Variants in KDM8 observed in about 807,000 individuals in gnomAD.
The protein encoded by KDM8 is lysine demethylase 8.
A neutral mutation model predicts 46.9 loss-of-function variants in KDM8; 35 were observed. That is an observed-to-expected ratio of 0.75 (90% confidence interval 0.57 to 0.99). KDM8 has a LOEUF of 0.99. KDM8 is among the 50% of genes least tolerant of loss of function. The probability of loss-of-function intolerance (pLI) is 0.00; values close to 1 mark genes in which losing one functional copy is unlikely to be tolerated. For missense variants in KDM8, 475 were observed against 537.0 expected, an observed-to-expected ratio of 0.88 and a Z score of 1.14; for synonymous variants, 232 against 227.7, an observed-to-expected ratio of 1.02 and a Z score of -0.17.
chr16:27,215,885 G>A, intron 4 of KDM8, 60 bp from the exon 5 acceptor site: 1 of 1,541,184 alleles, frequency 6.5e-7, no homozygotes, highest in Admixed American at 1.7e-5. Context: ...GCAGCAGGAG[G>A]GCATCTGTCA....
At chr16:27,219,626 A>C (rs1464622060) in intron 6 of KDM8, among the ~76,000 whole-genome samples, 1 of 152,236 alleles carries the variant, frequency 6.6e-6, no homozygotes, top group East Asian at 1.9e-4. Flanking sequence ...CTACCCCAGC[A>C]GACCAGTCCA....
At chr16:27,206,299 C>G (rs62028349) in intron 1 of KDM8, 378,346 of 741,722 alleles carry the variant, frequency 0.51, 96,552 homozygotes, top group Admixed American at 0.63. Context: ...GAGGGACAGA[C>G]TCTTGCTCTG....
intron 5 of KDM8, among the ~76,000 whole-genome samples, chr16:27,217,193 C>T (rs1353772580): frequency 2.0e-5 from 3 of 152,096 alleles, no homozygotes; most frequent in Admixed American, 2.0e-4. Context: ...CCTTCTCTAC[C>T]TACAGGACGC....
At chr16:27,214,196 G>A (rs567935094) in intron 3 of KDM8, 1 of 157,412 alleles carries the variant, frequency 6.4e-6, no homozygotes, top group East Asian at 1.9e-4. Flanking sequence ...GCTGGAGCGT[G>A]GCTGTCATGC....
intron 3 of KDM8, chr16:27,214,274 T>C (rs1193702591): frequency 2.6e-5 from 4 of 156,260 alleles, no homozygotes; most frequent in Non-Finnish European, 5.7e-5. Flanking sequence ...TCCGCCTGTT[T>C]TGTGGTTTCG....
chr16:27,211,142 A>G, intron 2 of KDM8: 1 of 407,376 alleles, frequency 2.5e-6, no homozygotes, highest in Admixed American at 3.0e-5. Flanking sequence ...TTTTTTTTGC[A>G]AAGGCAGCGC....
intron 1 of KDM8, among the ~76,000 whole-genome samples, chr16:27,207,606 G>T (rs944923783): frequency 6.6e-6 from 1 of 152,190 alleles, no homozygotes; most frequent in Non-Finnish European, 1.5e-5. Flanking sequence ...TTGAAACAGG[G>T]TCTCACTCTG....
At position 27,220,709 on chromosome 16, in the gene KDM8, G is replaced by A. The variant is rs969341718; in HGVS notation, c.1230G>A (p.Ser410=). Residue 410 remains serine (S), a synonymous_variant, in exon 8 of 8, where the codon TCG becomes TCA. Coordinates refer to ENST00000286096, the MANE Select transcript of KDM8 (RefSeq NM_024773.3). The part of the protein sequence containing the change: ...HYVRALDLSF[S]VSFWWS Reference sequence around the variant, plus strand: ...TGCGGGCTCTGGATTTGAGCTTCTCGGTCAGCTTCTGGTGGTCGTAGCCAG... The same window carrying A: ...TGCGGGCTCTGGATTTGAGCTTCTCAGTCAGCTTCTGGTGGTCGTAGCCAG... The A allele has an allele frequency of 1.2e-5, 19 of 1,614,034 alleles. No homozygotes were observed. The African/African-American group carries it at 1.2e-4, about 10-fold the overall frequency.
intron 5 of KDM8, among the ~76,000 whole-genome samples, chr16:27,217,949 C>G (rs576717607): frequency 6.6e-6 from 1 of 151,856 alleles, no homozygotes; most frequent in Non-Finnish European, 1.5e-5. Context: ...AACTGAGGTG[C>G]CTGCTAAGGG....
chr16:27,209,419 G>A lies in KDM8; in HGVS notation c.-31-674G>A, dbSNP rs9936149. Among the ~76,000 whole-genome samples the A allele has an allele frequency of 6.8e-3, 1,032 of 152,310 alleles. 15 individuals are homozygous for A. Among genetic ancestry groups the A allele is most frequent in the African/African-American group, 0.024 (982 of 41,560 alleles). The stretch of plus-strand genomic sequence containing the variant: ...TTTTTGTATTTTTTGTAGAGACGGC[G>A]TCTTGCCATGTTGGCCAGGCTGGTC... On this transcript the variant is annotated intron_variant, in intron 1 of 7. Coordinates refer to ENST00000286096, the MANE Select transcript of KDM8 (RefSeq NM_024773.3).
chr16:27,216,916 G>A (rs1276749875), intron 5 of KDM8, among the ~76,000 whole-genome samples: 2 of 152,194 alleles, frequency 1.3e-5, no homozygotes, highest in Non-Finnish European at 2.9e-5. Context: ...GGAAGCCATG[G>A]TTAACCTTGG....
intron 5 of KDM8, among the ~76,000 whole-genome samples, chr16:27,216,340 G>A (rs113170135): frequency 5.5e-4 from 83 of 152,242 alleles, no homozygotes; most frequent in African/African-American, 1.8e-3. Context: ...GTGGGTGGAT[G>A]TGTGGGGGAG....
chr16:27,219,654 T>C (rs1596660376), intron 6 of KDM8, among the ~76,000 whole-genome samples: 2 of 151,992 alleles, frequency 1.3e-5, no homozygotes, highest in Admixed American at 1.3e-4. Context: ...AGCCCAGGAG[T>C]GGGCTAAGAG....
chr16:27,213,479 C>T, intron 2 of KDM8, 106 bp from the exon 3 acceptor site: 1 of 1,141,682 alleles, frequency 8.8e-7, no homozygotes, highest in Non-Finnish European at 1.3e-6. Flanking sequence ...TACTGGTACT[C>T]TTGACAGCTA....
At position 27,214,546 on chromosome 16, in the gene KDM8, A is replaced by ATT. The variant is rs1327870116; in HGVS notation, c.666-328_666-327dup. 5 of 275,874 alleles carry ATT rather than the reference A, an allele frequency of 1.8e-5. No individual in the cohort carries two copies. In the East Asian group the frequency reaches 3.5e-4, roughly 19 times the overall value. 17.1% of individuals were successfully genotyped at this position (275,874 alleles called of 1,614,324 possible). A position where few individuals can be genotyped will look rare whatever the true frequency, so the allele number is the denominator to read the frequency against. On this transcript the variant is annotated intron_variant, in intron 3 of 7. Transcript: ENST00000286096. ...ACTGCCACCTGCCACGCTGTCCGCT[A>ATT]TTTGTTCAAAGGTTTCTCAGCTTAG...
chr16:27,217,509 C>T (rs536661466), intron 5 of KDM8, among the ~76,000 whole-genome samples: 1 of 152,206 alleles, frequency 6.6e-6, no homozygotes, highest in Non-Finnish European at 1.5e-5. Flanking sequence ...TGGGAGGAAC[C>T]CCTCACAGCC....
At chr16:27,213,218 C>CGTGT (rs3063593) in intron 2 of KDM8, 9,840 of 139,504 alleles carry the variant, frequency 0.071, 393 homozygotes, top group Admixed American at 0.1. Context: ...AGATATTTTG[C>CGTGT]GTGTGTGTGT....
intron 2 of KDM8, among the ~76,000 whole-genome samples, chr16:27,212,450 C>T (rs1222508688): frequency 6.6e-6 from 1 of 152,166 alleles, no homozygotes; most frequent in Admixed American, 6.6e-5. Context: ...TAGCTCTCTG[C>T]AGGCCGGGCA....
rs139294714 is a variant in KDM8 at position 27,220,571 on chromosome 16, C to T, written c.1092C>T (p.Asp364=). ...THLLHNTSQV[D]VENPDLEKFP... ...ACGTCCTTTGCTTTCTTCAGGTTGACGTGGAGAATCCCGACCTGGAAAAGT... is the reference window on the plus strand; with the variant it reads ...ACGTCCTTTGCTTTCTTCAGGTTGATGTGGAGAATCCCGACCTGGAAAAGT... The change falls in exon 8 of 8, where the codon GAC becomes GAT. Residue 364 remains aspartate (D), a synonymous_variant. Transcript: ENST00000286096. 81 of 1,614,126 alleles carry T rather than the reference C, an allele frequency of 5.0e-5. No homozygotes were observed. The highest frequency in any genetic ancestry group is 3.9e-4 in the African/African-American group (29 of 75,020).
Sources: gnomAD v4.1 joint callset for allele counts (sites outside exome capture counted in the v4.1 genomes callset) on GRCh38, gnomAD v4.1.1 for gene constraint, MANE v1.5 for transcripts, NCBI Gene and HGNC (gene_info 2026-07-23, HGNC 2026-07-21) for gene names.